GPC6: variants seen among roughly 807,000 people sequenced by gnomAD.
The protein encoded by GPC6 is glypican-6.
In GPC6, 14 loss-of-function variants were observed where a neutral mutation model predicts 55.2. That is an observed-to-expected ratio of 0.25 (90% CI 0.17 to 0.40). GPC6 has a LOEUF of 0.40. GPC6 is among the 10% of genes least tolerant of loss of function. The pLI, the probability that GPC6 is intolerant of heterozygous loss-of-function variation, is 1.00. For missense variants in GPC6, 641 were observed against 708.5 expected, an observed-to-expected ratio of 0.90 and a Z score of 1.08; for synonymous variants, 278 against 259.6, an observed-to-expected ratio of 1.07 and a Z score of -0.68.
chr13:93,434,926 C>T (rs964086654), intron 1 of GPC6, among the ~76,000 whole-genome samples: 2 of 152,034 alleles, frequency 1.3e-5, no homozygotes, highest in African/African-American at 2.4e-5. Context: ...AGGATGGTCT[C>T]GATCTCTTAA....
At chr13:93,318,335 T>G (rs1594093122) in intron 1 of GPC6, among the ~76,000 whole-genome samples, 1 of 152,298 alleles carries the variant, frequency 6.6e-6, no homozygotes, top group East Asian at 1.9e-4. Context: ...AGCAAATTTT[T>G]ATTTTGAATA....
intron 3 of GPC6, among the ~76,000 whole-genome samples, chr13:93,841,891 A>G (rs963586587): frequency 2.0e-5 from 3 of 152,154 alleles, no homozygotes; most frequent in Non-Finnish European, 4.4e-5. Context: ...AATTTTGGCA[A>G]TCAAAAAGTA....
At chr13:93,276,019 C>T (rs1225007977) in intron 1 of GPC6, among the ~76,000 whole-genome samples, 3 of 152,036 alleles carry the variant, frequency 2.0e-5, no homozygotes, top group Non-Finnish European at 4.4e-5. Context: ...GGACTACAGG[C>T]GCCCGCCACC....
chr13:93,450,579 G>T (rs559652505), intron 1 of GPC6: 23 of 169,922 alleles, frequency 1.4e-4, no homozygotes, highest in Admixed American at 7.2e-4. Flanking sequence ...ACTGGTCAAA[G>T]GTGTTTCTTT....
intron 4 of GPC6, among the ~76,000 whole-genome samples, chr13:94,259,098 G>A (rs1187512037): frequency 1.3e-5 from 2 of 150,502 alleles, no homozygotes; most frequent in Non-Finnish European, 3.0e-5. Flanking sequence ...CACTGGAAAC[G>A]GTTCCCAGAA....
chr13:94,154,328 T>C (rs1887851076), intron 4 of GPC6: 1 of 152,186 alleles, frequency 6.6e-6, no homozygotes, highest in Non-Finnish European at 1.5e-5. Flanking sequence ...CACTAAAATA[T>C]GCCTTTTAAA....
At chr13:94,067,530 G>A (rs1884562936) in intron 4 of GPC6, among the ~76,000 whole-genome samples, 1 of 151,640 alleles carries the variant, frequency 6.6e-6, no homozygotes, top group Non-Finnish European at 1.5e-5. Flanking sequence ...ATGCAATATG[G>A]GGTGTGCTTA....
At chr13:93,534,172 ATCTCTCTCTT>A (rs1203664983) in intron 1 of GPC6, among the ~76,000 whole-genome samples, 2 of 152,188 alleles carry the variant, frequency 1.3e-5, no homozygotes, top group Non-Finnish European at 2.9e-5. Flanking sequence ...TGGAAGGCCC[ATCTCTCTCTT>A]TCTCCAAACT....
At chr13:93,317,304 A>T (rs1879279279) in intron 1 of GPC6, among the ~76,000 whole-genome samples, 1 of 152,118 alleles carries the variant, frequency 6.6e-6, no homozygotes, top group Non-Finnish European at 1.5e-5. Flanking sequence ...AACTTATCAG[A>T]CACCTCAATG....
rs1876912916 is a variant in GPC6, at chr13:93,255,202, A to AT, written c.160+27589dup. On this transcript the variant is annotated intron_variant, in intron 1 of 8. Transcript: ENST00000377047. ...TACCCCAGATTTTTTTCTTCTATTTATTTATTTTTATTGATGCATAATAGC... is the reference window on the plus strand; with the variant it reads ...TACCCCAGATTTTTTTCTTCTATTTATTTTATTTTTATTGATGCATAATAGC... Among the ~76,000 whole-genome samples, 3 of 152,274 alleles carry AT rather than the reference A, an allele frequency of 2.0e-5. No individual in the cohort carries two copies. The South Asian group carries it at 6.2e-4, about 32-fold the overall frequency.
chr13:93,228,407 G>T (rs1179736606), intron 1 of GPC6, among the ~76,000 whole-genome samples: 1 of 152,208 alleles, frequency 6.6e-6, no homozygotes, highest in Non-Finnish European at 1.5e-5. Flanking sequence ...GGCTCAGCTG[G>T]GGATTCGGGT....
At chr13:93,582,258 GTTAGAGAT>G (rs1424803784) in intron 2 of GPC6, among the ~76,000 whole-genome samples, 1 of 152,140 alleles carries the variant, frequency 6.6e-6, no homozygotes, top group African/African-American at 2.4e-5. Flanking sequence ...TAGGTTTTTA[GTTAGAGAT>G]TGAAGTTGTA....
At chr13:93,261,068 T>A (rs544910075) in intron 1 of GPC6, among the ~76,000 whole-genome samples, 28 of 152,286 alleles carry the variant, frequency 1.8e-4, no homozygotes, top group Non-Finnish European at 3.4e-4. Context: ...AGTAGTTTCT[T>A]ATTCCTCTAG....
At chr13:93,352,984 G>A (rs142394163) in intron 1 of GPC6, among the ~76,000 whole-genome samples, 2,448 of 152,252 alleles carry the variant, frequency 0.016, 53 homozygotes, top group African/African-American at 0.053. Context: ...TCAAGTTTGG[G>A]AAGTACTGGC....
In GPC6 at chr13:94,067,620, T is replaced by TAGACAGAC. The variant is rs1555292462; in HGVS notation, c.877+39738_877+39745dup. On this transcript the variant is annotated intron_variant, in intron 4 of 8. Coordinates refer to ENST00000377047, the MANE Select transcript of GPC6 (RefSeq NM_005708.5). The stretch of plus-strand genomic sequence containing the variant: ...ATAGATAGATAGATAGATAGATAGA[T>TAGACAGAC]AGACAGACAGACAGACAGATAGACA... Among the ~76,000 whole-genome samples the TAGACAGAC allele has an allele frequency of 4.1e-5, 5 of 121,012 alleles. No homozygotes were observed. The South Asian group carries it at 7.5e-4, about 18-fold the overall frequency. The allele number at this position is 121,012 out of a possible 152,430, so 79.4% of individuals were successfully genotyped here. A position where few individuals can be genotyped will look rare whatever the true frequency, so the allele number is the denominator to read the frequency against.
At chr13:93,562,374 T>A (rs1875858913) in intron 2 of GPC6, among the ~76,000 whole-genome samples, 1 of 152,136 alleles carries the variant, frequency 6.6e-6, no homozygotes, top group Non-Finnish European at 1.5e-5. Flanking sequence ...GCAATTTCAA[T>A]ACACATTTGC....
intron 1 of GPC6, among the ~76,000 whole-genome samples, chr13:93,261,878 CTT>C (rs1475072350): frequency 6.6e-6 from 1 of 151,252 alleles, no homozygotes; most frequent in Non-Finnish European, 1.5e-5. Context: ...GATGAGGTAA[CTT>C]TAGACTTTCT....
At chr13:93,411,788 G>A (rs1876503122) in intron 1 of GPC6, among the ~76,000 whole-genome samples, 1 of 151,912 alleles carries the variant, frequency 6.6e-6, no homozygotes, top group African/African-American at 2.4e-5. Flanking sequence ...ATCACCTGAG[G>A]TCAGGAGTTA....
rs115994614 is a variant in GPC6, at chr13:93,963,425, A to G, written c.712-64304A>G. Among the ~76,000 whole-genome samples, 427 of 152,322 alleles carry G rather than the reference A, an allele frequency of 2.8e-3. 4 individuals are homozygous for G. Among genetic ancestry groups the G allele is most frequent in the African/African-American group, 9.8e-3 (408 of 41,588 alleles). On this transcript the variant is annotated intron_variant, in intron 3 of 8. Transcript: ENST00000377047. ...GTGGAGAGGACACAGAGGTGATGCAAACATCTTCCACATTTTCAAATGTCA... is the reference window on the plus strand; with the variant it reads ...GTGGAGAGGACACAGAGGTGATGCAGACATCTTCCACATTTTCAAATGTCA...
Sources: gnomAD v4.1 joint callset for allele counts (sites outside exome capture counted in the v4.1 genomes callset) on GRCh38, gnomAD v4.1.1 for gene constraint, MANE v1.5 for transcripts, NCBI Gene and HGNC (gene_info 2026-07-23, HGNC 2026-07-21) for gene names.